SCHIP1: variants seen among roughly 807,000 people sequenced by gnomAD.
SCHIP1 encodes schwannomin-interacting protein 1.
A neutral mutation model predicts 29.7 loss-of-function variants in SCHIP1; 8 were observed. The observed-to-expected ratio is 0.27, with a 90% CI of 0.16 to 0.49. The LOEUF is 0.49. SCHIP1 is among the 20% of genes least tolerant of loss of function. The probability of loss-of-function intolerance (pLI) is 0.99; values close to 1 mark genes in which losing one functional copy is unlikely to be tolerated. For synonymous variants in SCHIP1, 76 were observed against 94.9 expected, an observed-to-expected ratio of 0.80 and a Z score of 1.16; for missense variants, 193 against 294.6, an observed-to-expected ratio of 0.66 and a Z score of 2.52.
At chr3:159,497,184 C>T in the SCHIP1 span, among the ~76,000 whole-genome samples, 115 of 151,948 alleles carry the variant, frequency 7.6e-4, no homozygotes, top group African/African-American at 2.7e-3. Flanking sequence ...ACCAACATGG[C>T]ACATGTATAC....
intron 2 of SCHIP1, among the ~76,000 whole-genome samples, chr3:159,875,508 T>C (rs1000104102): frequency 6.6e-6 from 1 of 152,206 alleles, no homozygotes; most frequent in African/African-American, 2.4e-5. Flanking sequence ...AAAGAGTTTC[T>C]AGGAATTATT....
At chr3:159,792,408 GT>G in the SCHIP1 span, among the ~76,000 whole-genome samples, 7 of 152,222 alleles carry the variant, frequency 4.6e-5, no homozygotes, top group Non-Finnish European at 1.0e-4. Context: ...CTGCAAGGCT[GT>G]TAAAGAATTG....
the SCHIP1 span, chr3:159,764,224 G>A: frequency 2.0e-6 from 1 of 507,180 alleles, no homozygotes; most frequent in Non-Finnish European, 3.4e-6. This position sits in a 1 kb window ranked among gnomAD's most constrained non-coding sequence, Gnocchi z 6.1. Flanking sequence ...CTAATTTGAG[G>A]GTTAGTTACC....
chr3:159,417,628 C>T, the SCHIP1 span, among the ~76,000 whole-genome samples: 3 of 152,166 alleles, frequency 2.0e-5, no homozygotes, highest in Admixed American at 2.0e-4. Flanking sequence ...CCTCAACTTA[C>T]AGGGCATGGC....
At chr3:159,502,671 G>A in the SCHIP1 span, among the ~76,000 whole-genome samples, 474 of 150,410 alleles carry the variant, frequency 3.2e-3, 2 homozygotes, top group Non-Finnish European at 5.2e-3. Flanking sequence ...AGTCCCCAGA[G>A]TGTGATGTTC....
chr3:159,658,970 C>T, the SCHIP1 span, among the ~76,000 whole-genome samples: 35 of 152,356 alleles, frequency 2.3e-4, no homozygotes, highest in East Asian at 6.2e-3. Flanking sequence ...AATATACCAA[C>T]ATGTGTACCT....
the SCHIP1 span, among the ~76,000 whole-genome samples, chr3:159,511,482 C>G: frequency 6.6e-6 from 1 of 152,204 alleles, no homozygotes; most frequent in Non-Finnish European, 1.5e-5. Flanking sequence ...GTCCTGCCCC[C>G]ACTGTTCAAT....
chr3:159,860,364 A>C (rs1018678442), intron 1 of SCHIP1, among the ~76,000 whole-genome samples: 1 of 152,040 alleles, frequency 6.6e-6, no homozygotes, highest in Admixed American at 6.5e-5. Flanking sequence ...ACCTTTTGCA[A>C]CTCCTGGAGC....
chr3:159,446,017 AAAGT>A, the SCHIP1 span, among the ~76,000 whole-genome samples: 3 of 137,402 alleles, frequency 2.2e-5, no homozygotes, highest in African/African-American at 9.6e-5. Context: ...CCTAAAACTT[AAAGT>A]ATAATAATAA....
At chr3:159,404,189 C>G in the SCHIP1 span, among the ~76,000 whole-genome samples, 1 of 151,966 alleles carries the variant, frequency 6.6e-6, no homozygotes, top group Non-Finnish European at 1.5e-5. Flanking sequence ...GCTTCGTGTG[C>G]GACCCAGCAC....
the SCHIP1 span, among the ~76,000 whole-genome samples, chr3:159,683,999 G>A: frequency 6.6e-6 from 1 of 151,896 alleles, no homozygotes; most frequent in Non-Finnish European, 1.5e-5. Flanking sequence ...AAATCTTGCT[G>A]GCCAGGAAGA....
chr3:159,856,751 C>T (rs1713419360), intron 1 of SCHIP1, among the ~76,000 whole-genome samples: 1 of 152,074 alleles, frequency 6.6e-6, no homozygotes, highest in Non-Finnish European at 1.5e-5. Flanking sequence ...TAGGGAGGAC[C>T]CTGTGAAAAA....
chr3:159,596,249 A>G, the SCHIP1 span, among the ~76,000 whole-genome samples: 9 of 152,358 alleles, frequency 5.9e-5, no homozygotes, highest in Non-Finnish European at 1.2e-4. Flanking sequence ...CCACAATGAG[A>G]TAACATCTCA....
the SCHIP1 span, among the ~76,000 whole-genome samples, chr3:159,661,817 G>C: frequency 6.6e-6 from 1 of 152,156 alleles, no homozygotes; most frequent in Non-Finnish European, 1.5e-5. Context: ...CCCAAAGTCA[G>C]TGCTCAGTCG....
the SCHIP1 span, among the ~76,000 whole-genome samples, chr3:159,713,245 A>G: frequency 3.2e-3 from 415 of 128,848 alleles, 1 homozygote; most frequent in East Asian, 0.016. Context: ...AGAAAGAAAG[A>G]AAGAAAGAAA....
chr3:159,297,139 T>A, the SCHIP1 span, among the ~76,000 whole-genome samples: 13 of 140,752 alleles, frequency 9.2e-5, no homozygotes, highest in Admixed American at 6.8e-4. Context: ...TGTGTGTGTG[T>A]GTGTGTGTGT....
the SCHIP1 span, among the ~76,000 whole-genome samples, chr3:159,586,149 A>C: frequency 6.6e-6 from 1 of 152,062 alleles, no homozygotes; most frequent in African/African-American, 2.4e-5. Flanking sequence ...AAAATGTGTA[A>C]GGGATCAGAT....
the SCHIP1 span, among the ~76,000 whole-genome samples, chr3:159,318,901 A>G: frequency 6.6e-5 from 10 of 152,146 alleles, no homozygotes; most frequent in Non-Finnish European, 8.8e-5. Context: ...AGTTTCCACC[A>G]AAGCCCAGTA....
chr3:159,691,864 A>G, the SCHIP1 span, among the ~76,000 whole-genome samples: 5 of 152,282 alleles, frequency 3.3e-5, no homozygotes, highest in East Asian at 9.7e-4. Flanking sequence ...TACGAAGCTT[A>G]GTTTAGCAGG....
Sources: gnomAD v4.1 joint callset for allele counts (sites outside exome capture counted in the v4.1 genomes callset) on GRCh38, gnomAD v4.1.1 for gene constraint, Gnocchi (gnomAD v3.1) non-coding constraint, MANE v1.5 for transcripts, NCBI Gene and HGNC (gene_info 2026-07-23, HGNC 2026-07-21) for gene names.